Variants in DIO2 observed in about 807,000 individuals in gnomAD.
DIO2 encodes the protein type II iodothyronine deiodinase.
Under a neutral mutation model 21.4 loss-of-function variants are expected in DIO2, and 19 were observed. The observed-to-expected ratio is 0.89, with a 90% CI of 0.62 to 1.30. DIO2 has a LOEUF of 1.30. Among genes scored for constraint, DIO2 ranks in the 50% most tolerant of loss-of-function variants. The pLI, the probability that DIO2 is intolerant of heterozygous loss-of-function variation, is 0.00. For missense variants in DIO2, 302 were observed against 338.1 expected, an observed-to-expected ratio of 0.89 and a Z score of 0.84; for synonymous variants, 122 against 132.9, an observed-to-expected ratio of 0.92 and a Z score of 0.57.
chr14:80,206,826 G>A (rs1887975037), intron 1 of DIO2, among the ~76,000 whole-genome samples: 1 of 152,112 alleles, frequency 6.6e-6, no homozygotes. Context: ...TTGCCAAAGA[G>A]GCATTCAAAA....
intron 2 of DIO2, among the ~76,000 whole-genome samples, chr14:80,221,161 A>G (rs1224740965): frequency 6.6e-6 from 1 of 152,184 alleles, no homozygotes; most frequent in Non-Finnish European, 1.5e-5. Context: ...ATGTAATTTG[A>G]AGGATGTTCC....
rs778884845 is a variant in DIO2 at position 80,201,124 on chromosome 14, T to C, written c.*1565A>G. On this transcript the variant is annotated 3_prime_UTR_variant, in exon 2 of 2. Coordinates refer to ENST00000438257, the MANE Select transcript of DIO2 (RefSeq NM_013989.5). The stretch of plus-strand genomic sequence containing the variant: ...TAAATATTACTTATGGGTAAAACTA[T>C]AGTGTCTATTTTAAAAAGAAAAAAA... 5 of 151,462 alleles carry C rather than the reference T, an allele frequency of 3.3e-5. No individual in the cohort carries two copies. The highest frequency in any genetic ancestry group is 1.3e-4 in the Admixed American group (2 of 15,194). The allele number at this position is 151,462 out of a possible 1,614,324, so 9.4% of individuals were successfully genotyped here.
chr14:80,221,245 A>G (rs1888457691), intron 2 of DIO2, among the ~76,000 whole-genome samples: 1 of 152,138 alleles, frequency 6.6e-6, no homozygotes, highest in African/African-American at 2.4e-5. Context: ...TAAATTACCT[A>G]GCTAATTGAT....
intron 2 of DIO2, among the ~76,000 whole-genome samples, chr14:80,219,872 T>C (rs1888431107): frequency 1.3e-5 from 2 of 152,160 alleles, no homozygotes; most frequent in Admixed American, 6.5e-5. Flanking sequence ...TTTAAAACGA[T>C]TGTTTTGTAT....
At chr14:80,211,540 G>T (rs1594878067), upstream of DIO2, 1 of 866,700 alleles carries the variant, frequency 1.2e-6, no homozygotes. Flanking sequence ...TTTAAAAGGG[G>T]GGTGGTGATA....
intron 2 of DIO2, among the ~76,000 whole-genome samples, chr14:80,222,653 A>T (rs1477062842): frequency 6.6e-6 from 1 of 152,192 alleles, no homozygotes; most frequent in Non-Finnish European, 1.5e-5. Context: ...GAACCTCTTC[A>T]CAGGGATACT....
At chr14:80,212,521 T>A (rs1480179548), upstream of DIO2, among the ~76,000 whole-genome samples, 2 of 152,118 alleles carry the variant, frequency 1.3e-5, no homozygotes, top group Non-Finnish European at 2.9e-5. Flanking sequence ...TATCATTAAT[T>A]TATGAGGGGT....
intron 1 of DIO2, 37 bp from the exon 2 acceptor site, chr14:80,203,325 A>G (rs1196590812): frequency 6.7e-7 from 1 of 1,490,720 alleles, no homozygotes; most frequent in East Asian, 2.5e-5. Flanking sequence ...GAAGAAGAAG[A>G]AGGTGAGAAT....
At position 80,201,390 on chromosome 14, in the gene DIO2, A is replaced by G. The variant is rs1022100132; in HGVS notation, c.*1299T>C. ...GAAGTAAGCTTGTTTGTTTGCACCT[A>G]TTCTTCACTATAGCTCACCTACTTT... On this transcript the variant is annotated 3_prime_UTR_variant, in exon 2 of 2. Coordinates refer to ENST00000438257, the MANE Select transcript of DIO2 (RefSeq NM_013989.5). 8 of 152,172 alleles carry G rather than the reference A, an allele frequency of 5.3e-5. No individual in the cohort carries two copies. Among genetic ancestry groups the G allele is most frequent in the African/African-American group, 9.6e-5 (4 of 41,536 alleles). 9.4% of individuals were successfully genotyped at this position (152,172 alleles called of 1,614,324 possible).
rs1473666164 is a variant in DIO2, at chr14:80,197,720, G to A, written c.*4969C>T. 6.6e-6 allele frequency: 1 copy of A among 152,592 alleles called. No homozygotes were observed. Among genetic ancestry groups the A allele is most frequent in the Non-Finnish European group, 1.5e-5 (1 of 68,034 alleles). The allele number at this position is 152,592 out of a possible 1,614,324, so 9.5% of individuals were successfully genotyped here. ...TCACCACATTTACCCAGGACTCTTA[G>A]CATCATGTCCCGCATATTCTCCTTG... is the stretch of plus-strand genomic sequence containing the variant. On this transcript the variant is annotated 3_prime_UTR_variant, in exon 2 of 2. Coordinates refer to ENST00000438257, the MANE Select transcript of DIO2 (RefSeq NM_013989.5).
At chr14:80,229,811 C>A (rs554505967) in intron 2 of DIO2, among the ~76,000 whole-genome samples, 2 of 152,186 alleles carry the variant, frequency 1.3e-5, no homozygotes, top group Non-Finnish European at 2.9e-5. Context: ...GTTCCTTCCA[C>A]CATTAACTCA....
intron 2 of DIO2, among the ~76,000 whole-genome samples, chr14:80,224,680 A>G (rs1327186331): frequency 6.6e-6 from 1 of 152,208 alleles, no homozygotes; most frequent in Non-Finnish European, 1.5e-5. Context: ...ATAATCTGTT[A>G]TAGCAGCCAC....
chr14:80,220,921 C>G lies in DIO2; in HGVS notation c.-277-4184G>C, dbSNP rs576484812. ...GAATATAGGAAGTATTTATGAAATA[C>G]AGAGTCTGTTGTATATGGGTAAAAT... On this transcript the variant is annotated intron_variant, in intron 2 of 4. Coordinates refer to the DIO2 transcript ENST00000553594. Among the ~76,000 whole-genome samples, 3 of 151,552 alleles carry G rather than the reference C, an allele frequency of 2.0e-5. No homozygotes were observed. The East Asian group carries it at 5.8e-4, about 29-fold the overall frequency.
chr14:80,211,341 G>T lies in DIO2; in HGVS notation c.132C>A (p.Ser44=). The part of the protein sequence containing the change: ...LKHVVLLLSR[S]KSTRGEWRRM... ...GCCGCCACTCTCCGCGAGTGGACTT[G>T]GAGCGGCTCAACAGCAGCACCACGT... Residue 44 remains serine, a synonymous_variant, in exon 1 of 2, where the codon TCC becomes TCA. Coordinates refer to ENST00000438257, the MANE Select transcript of DIO2 (RefSeq NM_013989.5). The T allele has an allele frequency of 3.7e-6, 6 of 1,613,826 alleles. No individual in the cohort carries two copies. The highest frequency in any genetic ancestry group is 5.1e-6 in the Non-Finnish European group (6 of 1,179,882).
At position 80,202,521 on chromosome 14, in the gene DIO2, T is replaced by C. The variant is rs1300432251; in HGVS notation, c.*168A>G. The C allele has an allele frequency of 1.7e-5, 13 of 755,528 alleles. No homozygotes were observed. The highest frequency in any genetic ancestry group is 2.5e-5 in the Admixed American group (1 of 40,278). 46.8% of individuals were successfully genotyped at this position (755,528 alleles called of 1,614,324 possible). A position where few individuals can be genotyped will look rare whatever the true frequency, so the allele number is the denominator to read the frequency against. ...GGTTACTTACTCAGCCCAATGCCAT[T>C]TGAGTAGTGAAAGAAGTATGGAGCT... On this transcript the variant is annotated 3_prime_UTR_variant, in exon 2 of 2. Coordinates refer to ENST00000438257, the MANE Select transcript of DIO2 (RefSeq NM_013989.5).
intron 1 of DIO2, among the ~76,000 whole-genome samples, chr14:80,210,309 T>C (rs894846198): frequency 6.6e-6 from 1 of 152,150 alleles, no homozygotes; most frequent in Non-Finnish European, 1.5e-5. Context: ...AAGATCTTAG[T>C]TGAAAATGCT....
upstream of DIO2, chr14:80,211,974 G>C (rs1888224872): frequency 6.9e-6 from 1 of 145,370 alleles, no homozygotes; most frequent in African/African-American, 2.5e-5. Flanking sequence ...TTCTTGAATT[G>C]CCAGAGTTTT....
chr14:80,207,271 T>G (rs564976614), intron 1 of DIO2, among the ~76,000 whole-genome samples: 7 of 152,286 alleles, frequency 4.6e-5, no homozygotes, highest in South Asian at 4.1e-4. Context: ...CTTGATGATG[T>G]TCAGTGTTCA....
In DIO2 at chr14:80,202,061, A is replaced by G. The variant is rs1887748685; in HGVS notation, c.*628T>C. On this transcript the variant is annotated 3_prime_UTR_variant, in exon 2 of 2. Coordinates refer to ENST00000438257, the MANE Select transcript of DIO2 (RefSeq NM_013989.5). ...ATTAACCCTCAGATTACAGATGATC[A>G]TTCTAACCTCTCAGACTGAGGGATC... is the stretch of plus-strand genomic sequence containing the variant. The G allele has an allele frequency of 7.8e-6, 2 of 256,606 alleles. No individual in the cohort carries two copies. The highest frequency in any genetic ancestry group is 4.6e-5 in the African/African-American group (2 of 43,296). 15.9% of individuals were successfully genotyped at this position (256,606 alleles called of 1,614,324 possible).
Sources: allele counts gnomAD v4.1 joint callset (sites outside exome capture counted in the v4.1 genomes callset), GRCh38; gene constraint gnomAD v4.1.1; transcripts MANE v1.5; gene names NCBI Gene and HGNC (gene_info 2026-07-23, HGNC 2026-07-21).